The following CDH12 variants were observed in gnomAD, a reference collection of about 807,000 sequenced individuals.
CDH12 encodes the protein cadherin 12.
CDH12 carries 41 observed loss-of-function variants against 74.1 expected under a neutral mutation model. The observed-to-expected ratio is 0.55, with a 90% CI of 0.43 to 0.72. The LOEUF (loss-of-function observed/expected upper bound fraction) is 0.72, where lower values mean the gene tolerates loss of function less well. CDH12 is among the 30% of genes least tolerant of loss of function. The pLI, the probability that CDH12 is intolerant of heterozygous loss-of-function variation, is 0.00. For synonymous variants in CDH12, 399 were observed against 355.0 expected, an observed-to-expected ratio of 1.12 and a Z score of -1.39; for missense variants, 945 against 977.2, an observed-to-expected ratio of 0.97 and a Z score of 0.44.
chr5:22,117,971 C>T (rs556825350), intron 4 of CDH12, among the ~76,000 whole-genome samples: 1 of 151,992 alleles, frequency 6.6e-6, no homozygotes, highest in African/African-American at 2.4e-5. Context: ...GGCTAGAAAT[C>T]TAAATAATTT....
At chr5:22,244,508 A>G (rs1752850831) in intron 3 of CDH12, among the ~76,000 whole-genome samples, 1 of 17,108 alleles carries the variant, frequency 5.8e-5, no homozygotes, top group Non-Finnish European at 1.1e-4. Flanking sequence ...AAAAAAAAAA[A>G]AAAAAAAAAA....
At chr5:22,110,940 A>C in intron 4 of CDH12, among the ~76,000 whole-genome samples, 1 of 152,198 alleles carries the variant, frequency 6.6e-6, no homozygotes, top group Non-Finnish European at 1.5e-5. Flanking sequence ...GCTAAGGGCA[A>C]GAGAGAGGTT....
intron 4 of CDH12, among the ~76,000 whole-genome samples, chr5:22,145,936 A>AG (rs1488648923): frequency 1.3e-5 from 2 of 152,088 alleles, no homozygotes; most frequent in South Asian, 2.1e-4. Context: ...GCCTTGCAAT[A>AG]GATCCATAAT....
At chr5:22,377,170 C>A (rs1741564865) in intron 3 of CDH12, among the ~76,000 whole-genome samples, 2 of 152,118 alleles carry the variant, frequency 1.3e-5, no homozygotes, top group African/African-American at 4.8e-5. Context: ...ACCAATAATA[C>A]CAATGACAGA....
intron 3 of CDH12, among the ~76,000 whole-genome samples, chr5:22,343,323 C>CACACACACACAGAGAGAGAGAG (rs1378956871): frequency 7.3e-6 from 1 of 136,260 alleles, no homozygotes; most frequent in African/African-American, 2.9e-5. Flanking sequence ...GACACACACA[C>CACACACACACAGAGAGAGAGAG]AGAGAGAGAG....
At chr5:22,263,285 G>A (rs988772403) in intron 3 of CDH12, among the ~76,000 whole-genome samples, 3 of 151,928 alleles carry the variant, frequency 2.0e-5, no homozygotes, top group Admixed American at 2.0e-4. Context: ...AGCCTGTAAG[G>A]CAACTATTTT....
At chr5:22,322,229 A>T (rs1055985618) in intron 3 of CDH12, among the ~76,000 whole-genome samples, 1 of 152,150 alleles carries the variant, frequency 6.6e-6, no homozygotes, top group Non-Finnish European at 1.5e-5. Flanking sequence ...CCTTCAAAAG[A>T]TTCTCAAAAG....
intron 6 of CDH12, among the ~76,000 whole-genome samples, chr5:21,972,314 T>C (rs1443485036): frequency 2.6e-5 from 4 of 152,132 alleles, no homozygotes; most frequent in Non-Finnish European, 4.4e-5. Context: ...AGTTATTTCA[T>C]AGGGAATACT....
chr5:22,342,935 G>A (rs12697602), intron 3 of CDH12, among the ~76,000 whole-genome samples: 53,900 of 151,474 alleles, frequency 0.36, 9,883 homozygotes, highest in South Asian at 0.47. Flanking sequence ...TGCAACCTCC[G>A]CCTCTCAGGT....
chr5:22,725,467 C>A (rs1744117313), intron 1 of CDH12, among the ~76,000 whole-genome samples: 1 of 151,772 alleles, frequency 6.6e-6, no homozygotes, highest in African/African-American at 2.4e-5. Context: ...ATATAACAAT[C>A]AGCTAAATCT....
intron 6 of CDH12, among the ~76,000 whole-genome samples, chr5:21,880,568 T>TTCC (rs1416829574): frequency 6.5e-5 from 1 of 15,304 alleles, no homozygotes; most frequent in African/African-American, 1.3e-4. Context: ...CCTTCCCTTC[T>TTCC]TTCTTTCCTT....
intron 1 of CDH12, among the ~76,000 whole-genome samples, chr5:22,751,515 T>G (rs1745575003): frequency 6.6e-6 from 1 of 151,946 alleles, no homozygotes; most frequent in African/African-American, 2.4e-5. Flanking sequence ...CACATAAAAT[T>G]GTTGTGATAT....
chr5:22,828,908 T>C (rs968060946), intron 1 of CDH12, among the ~76,000 whole-genome samples: 4 of 152,226 alleles, frequency 2.6e-5, no homozygotes, highest in Non-Finnish European at 5.9e-5. Context: ...AGGTATTTTA[T>C]TGATTACTCA....
chr5:21,864,129 A>ATG (rs56781565), intron 6 of CDH12, among the ~76,000 whole-genome samples: 26,550 of 149,690 alleles, frequency 0.18, 2,418 homozygotes, highest in Non-Finnish European at 0.19. Context: ...CAGAAAGAAT[A>ATG]TGTGTGTGTG....
intron 3 of CDH12, among the ~76,000 whole-genome samples, chr5:22,365,772 G>C (rs1168427326): frequency 6.6e-6 from 1 of 152,094 alleles, no homozygotes. Context: ...TCAGTATCAT[G>C]CCAGTTAATT....
At chr5:22,698,011 A>G (rs192910458) in intron 1 of CDH12, among the ~76,000 whole-genome samples, 16 of 151,820 alleles carry the variant, frequency 1.1e-4, no homozygotes, top group Admixed American at 6.6e-4. Flanking sequence ...AAAGTCACCT[A>G]TCCTGAGGTG....
At chr5:22,278,001 T>C (rs80123073) in intron 3 of CDH12, 3,797 of 152,364 alleles carry the variant, frequency 0.025, 70 homozygotes, top group African/African-American at 0.051. Context: ...ATCTTTCTTG[T>C]AAGGGTTGGC....
chr5:22,122,948 G>T (rs754242685), intron 4 of CDH12, among the ~76,000 whole-genome samples: 12 of 152,160 alleles, frequency 7.9e-5, no homozygotes, highest in Non-Finnish European at 1.3e-4. Context: ...TTGAAATATA[G>T]CTAAACCATT....
In CDH12 at chr5:22,218,468, G is replaced by C. The variant is rs186064901; in HGVS notation, c.-332-5825C>G. Among the ~76,000 whole-genome samples, 236 of 151,732 alleles carry C rather than the reference G, an allele frequency of 1.6e-3. 4 individuals are homozygous for C. Among genetic ancestry groups the C allele is most frequent in the African/African-American group, 5.6e-3 (231 of 41,474 alleles). On this transcript the variant is annotated intron_variant, in intron 3 of 14. Coordinates refer to ENST00000382254, the MANE Select transcript of CDH12 (RefSeq NM_004061.5). ...AAATGATTATGCTGATATAAAACAA[G>C]CCAGAAACAAATACATTACTAATAT...
Sources: gnomAD v4.1 joint callset for allele counts (sites outside exome capture counted in the v4.1 genomes callset) on GRCh38, gnomAD v4.1.1 for gene constraint, MANE v1.5 for transcripts, NCBI Gene and HGNC (gene_info 2026-07-23, HGNC 2026-07-21) for gene names.